RHOJ: variants seen among roughly 807,000 people sequenced by gnomAD.
RHOJ encodes the protein ras homolog family member J, also known as rho-related GTP-binding protein RhoJ.
In RHOJ, 11 loss-of-function variants were observed where a neutral mutation model predicts 23.4. That is an observed-to-expected ratio of 0.47 (90% CI 0.30 to 0.78). The LOEUF (loss-of-function observed/expected upper bound fraction) is 0.78, where lower values mean the gene tolerates loss of function less well. Ranked by LOEUF, RHOJ falls within the 30% of genes least tolerant of loss-of-function variation. The pLI is 0.08. For missense variants in RHOJ, 254 were observed against 273.4 expected (o/e 0.93, Z 0.50); for synonymous variants, 102 against 102.7 (o/e 0.99, Z 0.04).
chr14:63,284,900 A>T (rs571278034), intron 4 of RHOJ, among the ~76,000 whole-genome samples: 1 of 152,298 alleles, frequency 6.6e-6, no homozygotes, highest in Non-Finnish European at 1.5e-5. Context: ...TATTTTTGGA[A>T]CAATGGCTGA....
At chr14:63,289,529 A>G (rs888252428) in intron 4 of RHOJ, among the ~76,000 whole-genome samples, 1 of 152,274 alleles carries the variant, frequency 6.6e-6, no homozygotes, top group African/African-American at 2.4e-5. Context: ...AATGCGAATC[A>G]AAAACTAAAG....
intron 1 of RHOJ, among the ~76,000 whole-genome samples, chr14:63,226,972 A>T (rs904966415): frequency 1.3e-5 from 2 of 152,084 alleles, no homozygotes; most frequent in African/African-American, 4.8e-5. Context: ...TTTTTTTAAG[A>T]CAGAGTTTCA....
At chr14:63,205,611 C>T (rs1204979269) in intron 1 of RHOJ, among the ~76,000 whole-genome samples, 1 of 152,118 alleles carries the variant, frequency 6.6e-6, no homozygotes, top group Non-Finnish European at 1.5e-5. Context: ...TTTTAAATAT[C>T]TATTAGGCAA....
At position 63,265,896 on chromosome 14, in the gene RHOJ, C is replaced by A. The variant is rs56307324; in HGVS notation, c.179-3214C>A. Among the ~76,000 whole-genome samples, 950 of 152,290 alleles carry A rather than the reference C, an allele frequency of 6.2e-3. 7 individuals are homozygous for A. The highest frequency in any genetic ancestry group is 8.7e-3 in the Non-Finnish European group (589 of 68,024). On this transcript the variant is annotated intron_variant, in intron 1 of 4. Transcript: ENST00000316754. ...TTGAAATCAACAGAAATAAATGTTT[C>A]TAGTTAAGATAAGGGGAGTTGCAGA...
chr14:63,225,956 A>C (rs1474244767), intron 1 of RHOJ, among the ~76,000 whole-genome samples: 1 of 152,170 alleles, frequency 6.6e-6, no homozygotes, highest in African/African-American at 2.4e-5. Flanking sequence ...TTTTCTGAAG[A>C]CATAGTCTTT....
intron 1 of RHOJ, among the ~76,000 whole-genome samples, chr14:63,222,867 T>G (rs1894523992): frequency 6.6e-6 from 1 of 152,244 alleles, no homozygotes; most frequent in South Asian, 2.1e-4. Flanking sequence ...TTGTTGCCAT[T>G]GCTTTTGGTG....
Position 63,292,672 on chromosome 14 carries a change from G to A in RHOJ, c.*1648G>A, listed in dbSNP as rs889885881. On this transcript the variant is annotated 3_prime_UTR_variant, in exon 5 of 5. Coordinates refer to ENST00000316754, the MANE Select transcript of RHOJ (RefSeq NM_020663.5). ...GCACTTAAGAATTGCGTGATAGCCA[G>A]GCACCGTGGCTCATGCCTGTAATCC... The A allele has an allele frequency of 2.0e-5, 3 of 152,170 alleles. No homozygotes were observed. Among genetic ancestry groups the A allele is most frequent in the African/African-American group, 7.2e-5 (3 of 41,406 alleles). The allele number at this position is 152,170 out of a possible 1,614,324, so 9.4% of individuals were successfully genotyped here. A position where few individuals can be genotyped will look rare whatever the true frequency, so the allele number is the denominator to read the frequency against.
chr14:63,218,935 C>G (rs549642957), intron 1 of RHOJ, among the ~76,000 whole-genome samples: 1 of 152,258 alleles, frequency 6.6e-6, no homozygotes, highest in South Asian at 2.1e-4. Context: ...TAACTGATGT[C>G]CGAGTGCTGC....
rs771212385 is a variant in RHOJ at position 63,283,181 on chromosome 14, C to G, written c.463C>G (p.Leu155Val). Residue 155 changes from leucine (L) to valine (V), a missense_variant, in exon 4 of 5, where the codon CTC (leucine) becomes GTC (valine). Leu to Val is a conservative substitution (Grantham distance 32). Transcript: ENST00000316754. ...TTTGCTGTATATGAAAGAGAAACCTCTCACTTACGAGCATGGTGTGAAGCT... is the reference window on the plus strand; with the variant it reads ...TTTGCTGTATATGAAAGAGAAACCTGTCACTTACGAGCATGGTGTGAAGCT... The part of the protein sequence containing the change: ...ARLLYMKEKP[L>V]TYEHGVKLAK... 2.5e-6 allele frequency: 4 copies of G among 1,614,104 alleles called. No individual in the cohort carries two copies. The East Asian group carries it at 8.9e-5, about 36-fold the overall frequency.
At chr14:63,222,908 T>G (rs1458569015) in intron 1 of RHOJ, among the ~76,000 whole-genome samples, 1 of 152,246 alleles carries the variant, frequency 6.6e-6, no homozygotes, top group Non-Finnish European at 1.5e-5. Context: ...CCCATAAGAA[T>G]GCAACTTTTT....
chr14:63,212,184 G>C (rs938970327), intron 1 of RHOJ, among the ~76,000 whole-genome samples: 1 of 152,114 alleles, frequency 6.6e-6, no homozygotes, highest in Non-Finnish European at 1.5e-5. Context: ...TATGGGCCAG[G>C]CCTGGAAGTG....
At chr14:63,270,024 G>C (rs1566626133) in intron 2 of RHOJ, among the ~76,000 whole-genome samples, 1 of 152,284 alleles carries the variant, frequency 6.6e-6, no homozygotes, top group East Asian at 1.9e-4. Flanking sequence ...TATGTCTTGG[G>C]TCATCTATTT....
intron 1 of RHOJ, among the ~76,000 whole-genome samples, chr14:63,230,840 G>GTTTTTTTTTT (rs1566611310): frequency 3.1e-5 from 3 of 96,720 alleles, no homozygotes; most frequent in African/African-American, 1.4e-4. Flanking sequence ...AGGGTACAAG[G>GTTTTTTTTTT]CTTTTTTTTT....
intron 1 of RHOJ, among the ~76,000 whole-genome samples, chr14:63,217,395 T>C (rs1894388358): frequency 6.6e-6 from 1 of 152,078 alleles, no homozygotes; most frequent in Non-Finnish European, 1.5e-5. Flanking sequence ...ATTTCATCCA[T>C]GTCCCTACAA....
chr14:63,205,079 G>A (rs763618376), intron 1 of RHOJ, 32 bp downstream of exon 1: 5 of 1,597,004 alleles, frequency 3.1e-6, no homozygotes, highest in East Asian at 2.2e-5. Flanking sequence ...TCTGCATCCA[G>A]ACAAACGATG....
chr14:63,267,896 G>A (rs1001321082), intron 1 of RHOJ, among the ~76,000 whole-genome samples: 5 of 152,214 alleles, frequency 3.3e-5, no homozygotes, highest in Admixed American at 1.3e-4. Context: ...GTCTGGGGAC[G>A]TAGCGCTTTT....
intron 1 of RHOJ, among the ~76,000 whole-genome samples, chr14:63,242,555 T>C (rs1281095948): frequency 6.6e-6 from 1 of 152,032 alleles, no homozygotes; most frequent in Non-Finnish European, 1.5e-5. Flanking sequence ...CAGAGCAAGA[T>C]CCTGTCTCAA....
At chr14:63,283,599 G>A (rs1459492565) in intron 4 of RHOJ, among the ~76,000 whole-genome samples, 2 of 152,110 alleles carry the variant, frequency 1.3e-5, no homozygotes, top group Non-Finnish European at 2.9e-5. Context: ...CCCATAAGAG[G>A]CATTTTGTGA....
At position 63,290,887 on chromosome 14, in the gene RHOJ, C is replaced by T. The variant is rs1256007035; in HGVS notation, c.508C>T (p.Gln170Ter). ...GVKLAKAIGA[Q>*]CYLECSALTQ... is the part of the protein sequence containing the mutation. ...CTCTTTTGTGTTTAAGATCGGAGCA[C>T]AGTGCTACTTGGAATGTTCAGCTCT... The change falls in exon 5 of 5, where the codon CAG becomes TAG. Residue 170 changes from glutamine to a stop codon, truncating the protein, a stop_gained. Transcript: ENST00000316754. LOFTEE classifies it high-confidence loss of function. The T allele has an allele frequency of 6.2e-7, 1 of 1,611,898 alleles. No homozygotes were observed. The highest frequency in any genetic ancestry group is 8.5e-7 in the Non-Finnish European group (1 of 1,179,192).
Sources: allele counts gnomAD v4.1 joint callset (sites outside exome capture counted in the v4.1 genomes callset), GRCh38; gene constraint gnomAD v4.1.1; transcripts MANE v1.5; gene names NCBI Gene and HGNC (gene_info 2026-07-23, HGNC 2026-07-21).